CACNB2: variants seen among roughly 807,000 people sequenced by gnomAD.
CACNB2 encodes calcium voltage-gated channel auxiliary subunit beta 2.
Under a neutral mutation model 73.3 loss-of-function variants are expected in CACNB2, and 42 were observed. That is an observed-to-expected ratio of 0.57 (90% CI 0.45 to 0.74). The LOEUF (loss-of-function observed/expected upper bound fraction) is 0.74, where lower values mean the gene tolerates loss of function less well. Ranked by LOEUF, CACNB2 falls within the 30% of genes least tolerant of loss-of-function variation. The pLI is 0.00. For synonymous variants in CACNB2, 348 were observed against 310.3 expected, an observed-to-expected ratio of 1.12 and a Z score of -1.28; for missense variants, 940 against 853.0, an observed-to-expected ratio of 1.10 and a Z score of -1.27.
At chr10:18,219,721 C>A (rs1179920861) in intron 2 of CACNB2, among the ~76,000 whole-genome samples, 1 of 151,756 alleles carries the variant, frequency 6.6e-6, no homozygotes, top group African/African-American at 2.4e-5. Flanking sequence ...TAGCTTCCAA[C>A]TGTTATTCAT....
intron 3 of CACNB2, among the ~76,000 whole-genome samples, chr10:18,413,898 C>T (rs1164076367): frequency 1.3e-5 from 2 of 152,254 alleles, no homozygotes; most frequent in African/African-American, 4.8e-5. Context: ...AACTGGGGCA[C>T]ACAGCACCTG....
At chr10:18,289,162 G>A (rs987884582) in intron 2 of CACNB2, among the ~76,000 whole-genome samples, 2 of 151,780 alleles carry the variant, frequency 1.3e-5, no homozygotes, top group Admixed American at 6.6e-5. Context: ...GTAATATCAA[G>A]TTTTGCTTTT....
chr10:18,509,948 A>G (rs1327293688), intron 6 of CACNB2, among the ~76,000 whole-genome samples: 1 of 152,260 alleles, frequency 6.6e-6, no homozygotes. Context: ...ATGGAAATAT[A>G]AGTATGAAAT....
chr10:18,333,848 T>C (rs933330877), intron 2 of CACNB2, among the ~76,000 whole-genome samples: 1 of 151,272 alleles, frequency 6.6e-6, no homozygotes, highest in Non-Finnish European at 1.5e-5. Context: ...ACTTGAAGTA[T>C]GTGACCTCCA....
intron 2 of CACNB2, among the ~76,000 whole-genome samples, chr10:18,183,122 T>C (rs1442434939): frequency 6.6e-6 from 1 of 152,138 alleles, no homozygotes; most frequent in African/African-American, 2.4e-5. Flanking sequence ...TGGTAACTTT[T>C]CAAGGCTCTT....
chr10:18,416,747 G>A (rs971410842), intron 3 of CACNB2, among the ~76,000 whole-genome samples: 2 of 152,152 alleles, frequency 1.3e-5, no homozygotes, highest in East Asian at 3.8e-4. Context: ...GAACTATAGC[G>A]TATGTTTCAC....
intron 5 of CACNB2, among the ~76,000 whole-genome samples, chr10:18,502,307 C>A (rs1357646413): frequency 6.8e-6 from 1 of 147,822 alleles, no homozygotes; most frequent in Non-Finnish European, 1.5e-5. Flanking sequence ...GACTCTATCT[C>A]AAAAAAAAAA....
intron 3 of CACNB2, among the ~76,000 whole-genome samples, chr10:18,483,531 CAA>C (rs58945993): frequency 2.3e-4 from 27 of 115,160 alleles, no homozygotes; most frequent in African/African-American, 5.1e-4. Context: ...AACTCTGTCT[CAA>C]AAAAAAAAAA....
chr10:18,354,977 C>A (rs975765644), intron 2 of CACNB2, among the ~76,000 whole-genome samples: 1 of 152,170 alleles, frequency 6.6e-6, no homozygotes, highest in African/African-American at 2.4e-5. Flanking sequence ...GTTCAACGTA[C>A]ACAAACTTTG....
At chr10:18,508,103 CTT>C (rs1478758320) in intron 6 of CACNB2, among the ~76,000 whole-genome samples, 1 of 151,992 alleles carries the variant, frequency 6.6e-6, no homozygotes, top group Non-Finnish European at 1.5e-5. Context: ...TGATCATGGG[CTT>C]TTTTTGCAAT....
chr10:18,231,643 C>G (rs11013099), intron 2 of CACNB2, among the ~76,000 whole-genome samples: 2 of 152,100 alleles, frequency 1.3e-5, no homozygotes, highest in East Asian at 1.9e-4. Flanking sequence ...CTTGACAGTA[C>G]GGTAAGTGAT....
chr10:18,398,459 G>T (rs1195266347), intron 2 of CACNB2, among the ~76,000 whole-genome samples: 1 of 152,074 alleles, frequency 6.6e-6, no homozygotes, highest in Non-Finnish European at 1.5e-5. Context: ...GAGCCCAGGA[G>T]TTTGAGACCA....
chr10:18,219,002 A>G (rs1175256465), intron 2 of CACNB2, among the ~76,000 whole-genome samples: 4 of 152,166 alleles, frequency 2.6e-5, no homozygotes, highest in Admixed American at 2.0e-4. Flanking sequence ...TGTCTCTACA[A>G]AAAAATTTAA....
At chr10:18,188,782 A>G (rs1428700279) in intron 2 of CACNB2, among the ~76,000 whole-genome samples, 1 of 152,190 alleles carries the variant, frequency 6.6e-6, no homozygotes, top group Non-Finnish European at 1.5e-5. Context: ...CTGATTATAA[A>G]AATAATGTCT....
chr10:18,434,387 A>G (rs552545461), intron 3 of CACNB2, among the ~76,000 whole-genome samples: 86 of 152,306 alleles, frequency 5.6e-4, no homozygotes, highest in Admixed American at 9.8e-4. Flanking sequence ...GCCAGTTCTC[A>G]GTGTAGCCAG....
At chr10:18,346,635 C>A (rs549841554) in intron 2 of CACNB2, among the ~76,000 whole-genome samples, 59 of 150,120 alleles carry the variant, frequency 3.9e-4, no homozygotes, top group African/African-American at 1.4e-3. Flanking sequence ...CTCACTCTGT[C>A]GCCCAGGCTG....
intron 2 of CACNB2, among the ~76,000 whole-genome samples, chr10:18,288,983 T>A (rs111287406): frequency 0.01 from 1,529 of 152,224 alleles, 13 homozygotes; most frequent in Non-Finnish European, 0.015. Context: ...AGGCAGAGAT[T>A]ACAGTGAGCC....
chr10:18,264,361 A>G (rs541131382), intron 2 of CACNB2, among the ~76,000 whole-genome samples: 2 of 152,350 alleles, frequency 1.3e-5, no homozygotes, highest in African/African-American at 4.8e-5. Flanking sequence ...AAAATGTACT[A>G]TTATCGAAGT....
At chr10:18,221,024 C>T (rs768122481) in intron 2 of CACNB2, among the ~76,000 whole-genome samples, 1 of 152,118 alleles carries the variant, frequency 6.6e-6, no homozygotes, top group Non-Finnish European at 1.5e-5. Flanking sequence ...AAGAAATCAA[C>T]CTGGATGGGG....
Sources: allele counts gnomAD v4.1 joint callset (sites outside exome capture counted in the v4.1 genomes callset), GRCh38; gene constraint gnomAD v4.1.1; transcripts MANE v1.5; gene names NCBI Gene and HGNC (gene_info 2026-07-23, HGNC 2026-07-21).